The following PHACTR1 variants were observed in gnomAD, a reference collection of about 807,000 sequenced individuals.
The protein encoded by PHACTR1 is phosphatase and actin regulator 1, also known as RPEL repeat containing 1.
A neutral mutation model predicts 69.2 loss-of-function variants in PHACTR1; 16 were observed. The observed-to-expected ratio is 0.23, with a 90% confidence interval of 0.16 to 0.35. The LOEUF is 0.35. PHACTR1 is among the 10% of genes least tolerant of loss of function. The pLI is 1.00. For synonymous variants in PHACTR1, 312 were observed against 284.5 expected (o/e 1.10, Z -0.97); for missense variants, 510 against 734.7 (o/e 0.69, Z 3.54).
At chr6:13,151,447 G>A (rs763170328) in intron 5 of PHACTR1, among the ~76,000 whole-genome samples, 2 of 152,184 alleles carry the variant, frequency 1.3e-5, no homozygotes, top group Non-Finnish European at 2.9e-5. Context: ...ACCCGGCCCA[G>A]AAATTGTACA....
At chr6:12,945,964 A>AAAATAAATAAAT (rs146460461) in intron 4 of PHACTR1, among the ~76,000 whole-genome samples, 2,081 of 142,404 alleles carry the variant, frequency 0.015, 18 homozygotes, top group African/African-American at 0.025. Flanking sequence ...CTCTGTCTCA[A>AAAATAAATAAAT]AAATAAATAA....
chr6:12,722,705 G>C (rs925534870), intron 3 of PHACTR1, among the ~76,000 whole-genome samples: 1 of 152,166 alleles, frequency 6.6e-6, no homozygotes, highest in Non-Finnish European at 1.5e-5. Flanking sequence ...ACCTCAAGGT[G>C]GGGGAGATCA....
Position 12,753,776 on chromosome 6 carries a change from A to C in PHACTR1, c.250+3986A>C, listed in dbSNP as rs143956747. On this transcript the variant is annotated intron_variant, in intron 4 of 14. Transcript: ENST00000332995. Reference sequence around the variant, plus strand: ...CAGAACTGGCTTGCTATGGTTTCCTATAAGGATGGATGGGTCTACAAAAAG... The same window carrying C: ...CAGAACTGGCTTGCTATGGTTTCCTCTAAGGATGGATGGGTCTACAAAAAG... Among the ~76,000 whole-genome samples the C allele has an allele frequency of 2.6e-3, 402 of 152,084 alleles. 1 individual carries two copies. The highest frequency in any genetic ancestry group is 9.0e-3 in the African/African-American group (374 of 41,494).
At chr6:13,094,441 C>T (rs569483667) in intron 5 of PHACTR1, among the ~76,000 whole-genome samples, 1 of 151,942 alleles carries the variant, frequency 6.6e-6, no homozygotes, top group African/African-American at 2.4e-5. Flanking sequence ...ATTACAGGTG[C>T]CTGCCACCAT....
chr6:12,953,770 T>C (rs953433612), intron 4 of PHACTR1, among the ~76,000 whole-genome samples: 3 of 152,164 alleles, frequency 2.0e-5, no homozygotes, highest in African/African-American at 7.2e-5. Context: ...AGAATGATGA[T>C]GGTGGTAACG....
chr6:12,745,904 G>A (rs1339007230), intron 3 of PHACTR1, among the ~76,000 whole-genome samples: 1 of 152,138 alleles, frequency 6.6e-6, no homozygotes, highest in Non-Finnish European at 1.5e-5. Context: ...ACTACTGGCA[G>A]TGGCACCCAC....
At chr6:13,184,792 C>A in intron 7 of PHACTR1, 1 of 1,366,136 alleles carries the variant, frequency 7.3e-7, no homozygotes, top group African/African-American at 1.5e-5. Context: ...TGTGGTTGTC[C>A]CCTCAGTGTC....
intron 4 of PHACTR1, among the ~76,000 whole-genome samples, chr6:12,753,012 A>G (rs1247498542): frequency 6.6e-6 from 1 of 152,228 alleles, no homozygotes; most frequent in Non-Finnish European, 1.5e-5. Context: ...TTATCAGTGC[A>G]AAAGAAAATT....
intron 4 of PHACTR1, among the ~76,000 whole-genome samples, chr6:12,903,606 G>A (rs917007536): frequency 6.6e-6 from 1 of 152,212 alleles, no homozygotes; most frequent in African/African-American, 2.4e-5. Context: ...CCTTAGAAAG[G>A]TTTATAGCCT....
intron 4 of PHACTR1, among the ~76,000 whole-genome samples, chr6:12,862,413 G>C (rs573322765): frequency 7.2e-4 from 109 of 152,242 alleles, no homozygotes; most frequent in African/African-American, 2.5e-3. Flanking sequence ...CAAAGCACTA[G>C]ATCTGGGAGA....
chr6:13,195,587 A>C (rs1370096466), intron 7 of PHACTR1, among the ~76,000 whole-genome samples: 2 of 151,620 alleles, frequency 1.3e-5, no homozygotes, highest in Admixed American at 1.3e-4. Context: ...TGAAACCCCC[A>C]TCTCTACTGA....
chr6:13,160,582 C>T (rs1354146076), intron 6 of PHACTR1, among the ~76,000 whole-genome samples: 1 of 152,200 alleles, frequency 6.6e-6, no homozygotes, highest in Non-Finnish European at 1.5e-5. Flanking sequence ...AGTCTGTTGG[C>T]ATGCAAATAC....
At chr6:12,717,283 A>T (rs999780424) in intron 1 of PHACTR1, among the ~76,000 whole-genome samples, 1 of 152,138 alleles carries the variant, frequency 6.6e-6, no homozygotes, top group Non-Finnish European at 1.5e-5. Context: ...ATTTTTAATC[A>T]TTTCATATTC....
intron 5 of PHACTR1, among the ~76,000 whole-genome samples, chr6:13,130,181 A>G (rs1820191794): frequency 6.6e-6 from 1 of 152,112 alleles, no homozygotes; most frequent in South Asian, 2.1e-4. Context: ...TTCATAGCCT[A>G]TGTCAAAAAG....
rs1384494931 is a variant in PHACTR1, at chr6:13,003,951, C to CTA, written c.251-49402_251-49401dup. 5.5e-3 allele frequency among the ~76,000 whole-genome samples: 511 copies of CTA among 93,482 alleles called. 55 individuals are homozygous for CTA. The highest frequency in any genetic ancestry group is 0.013 in the Middle Eastern group (2 of 160). The allele number at this position is 93,482 out of a possible 152,430, so 61.3% of individuals were successfully genotyped here. ...CTTTTTTTATGGCTCAGTAGTATTC[C>CTA]TATATATATATATGTATATATATAT... On this transcript the variant is annotated intron_variant, in intron 4 of 14. Transcript: ENST00000332995.
intron 5 of PHACTR1, among the ~76,000 whole-genome samples, chr6:13,115,619 A>C (rs1315569865): frequency 6.6e-6 from 1 of 152,310 alleles, no homozygotes; most frequent in Middle Eastern, 3.4e-3. Flanking sequence ...AGCCACTATC[A>C]AGATGCGTTT....
intron 4 of PHACTR1, among the ~76,000 whole-genome samples, chr6:12,864,106 A>G (rs2127429764): frequency 6.6e-6 from 1 of 152,320 alleles, no homozygotes; most frequent in Middle Eastern, 3.4e-3. Context: ...GCTAGACTCA[A>G]CACCCGATTT....
intron 3 of PHACTR1, among the ~76,000 whole-genome samples, chr6:12,740,866 TC>T (rs1764939784): frequency 6.6e-6 from 1 of 152,082 alleles, no homozygotes; most frequent in Non-Finnish European, 1.5e-5. Context: ...CCTATTTAAT[TC>T]CTGATATTGA....
intron 10 of PHACTR1, among the ~76,000 whole-genome samples, chr6:13,248,731 G>A (rs1383975628): frequency 6.6e-6 from 1 of 152,166 alleles, no homozygotes; most frequent in African/African-American, 2.4e-5. Flanking sequence ...GCTGCCGTAA[G>A]TGGAGGAACT....
Sources: allele counts gnomAD v4.1 joint callset (sites outside exome capture counted in the v4.1 genomes callset), GRCh38; gene constraint gnomAD v4.1.1; transcripts MANE v1.5; gene names NCBI Gene and HGNC (gene_info 2026-07-23, HGNC 2026-07-21).